Variants in ELOC observed in about 807,000 individuals in gnomAD.
The protein encoded by ELOC is elongin-C.
For synonymous variants in ELOC, 40 were observed against 51.3 expected (o/e 0.78, Z 0.94); for missense variants, 38 against 139.0 (o/e 0.27, Z 3.65).
chr8:73,971,032 C>CAAAAAAAAAAAAAAAAAAAAAAAAA (rs67188912), intron 1 of ELOC, among the ~76,000 whole-genome samples: 23 of 62,026 alleles, frequency 3.7e-4, no homozygotes, highest in Non-Finnish European at 5.4e-4. Flanking sequence ...GACTCCGTCT[C>CAAAAAAAAAAAAAAAAAAAAAAAAA]AAAAAAAAAA....
chr8:73,972,193 A>C (rs1242863384), upstream of ELOC: 1 of 152,290 alleles, frequency 6.6e-6, no homozygotes, highest in Non-Finnish European at 1.5e-5. Flanking sequence ...AGTCGAAAGA[A>C]TTACTTCCGC....
At chr8:73,948,974 T>C (rs776497595) in intron 3 of ELOC, among the ~76,000 whole-genome samples, 1 of 152,244 alleles carries the variant, frequency 6.6e-6, no homozygotes, top group African/African-American at 2.4e-5. Flanking sequence ...ACAAGACATT[T>C]TCCTTTGTTT....
At position 73,945,175 on chromosome 8, in the gene ELOC, T is replaced by A. The variant is rs1239637884; in HGVS notation, c.*1455A>T. 5 of 139,858 alleles carry A rather than the reference T, an allele frequency of 3.6e-5. No individual in the cohort carries two copies. In the East Asian group the frequency reaches 8.8e-4, roughly 25 times the overall value. The allele number at this position is 139,858 out of a possible 1,614,324, so 8.7% of individuals were successfully genotyped here. A position where few individuals can be genotyped will look rare whatever the true frequency, so the allele number is the denominator to read the frequency against. ...CTCTGTCACCCAGGCTGGAGTGCAG[T>A]GGTGCGATCTCGGCTCACTGCCACC... On this transcript the variant is annotated 3_prime_UTR_variant, in exon 4 of 4. Coordinates refer to ENST00000520242, the MANE Select transcript of ELOC (RefSeq NM_005648.4).
intron 1 of ELOC, among the ~76,000 whole-genome samples, chr8:73,964,093 CAAAAAAAAAA>C (rs61094442): frequency 1.2e-5 from 1 of 80,348 alleles, no homozygotes; most frequent in Non-Finnish European, 2.2e-5. Context: ...AATTCCGTCT[CAAAAAAAAAA>C]AAAAAAAAAA....
At chr8:73,971,526 A>G (rs1413690481) in intron 1 of ELOC, among the ~76,000 whole-genome samples, 1 of 152,064 alleles carries the variant, frequency 6.6e-6, no homozygotes, top group Admixed American at 6.6e-5. Flanking sequence ...CCTTAAGAGA[A>G]ACTCAATGGG....
intron 1 of ELOC, among the ~76,000 whole-genome samples, chr8:73,964,246 C>CAAAAAA (rs560289242): frequency 2.4e-5 from 2 of 82,020 alleles, no homozygotes. Context: ...TATAAATGGC[C>CAAAAAA]AAAAAAAAAA....
At chr8:73,968,688 C>G (rs982285029) in intron 1 of ELOC, among the ~76,000 whole-genome samples, 2 of 152,190 alleles carry the variant, frequency 1.3e-5, no homozygotes, top group Non-Finnish European at 2.9e-5. Context: ...AAAGGTCAAC[C>G]TTTCCACTTA....
At chr8:73,964,843 G>A (rs544414797) in intron 1 of ELOC, among the ~76,000 whole-genome samples, 36 of 152,044 alleles carry the variant, frequency 2.4e-4, no homozygotes, top group African/African-American at 8.4e-4. Context: ...GGACAACATG[G>A]TGGTGAAACC....
At chr8:73,957,519 T>C (rs972291610) in intron 2 of ELOC, among the ~76,000 whole-genome samples, 5 of 152,194 alleles carry the variant, frequency 3.3e-5, no homozygotes, top group Non-Finnish European at 7.3e-5. Context: ...GAAGCTGAAG[T>C]ACTGTTCAGC....
rs117238217 is a variant in ELOC, at chr8:73,961,861, G to A, written c.-50-2043C>T. Among the ~76,000 whole-genome samples the A allele has an allele frequency of 4.2e-3, 634 of 152,008 alleles. 2 individuals carry two copies. Among genetic ancestry groups the A allele is most frequent in the Non-Finnish European group, 6.8e-3 (464 of 67,974 alleles). On this transcript the variant is annotated intron_variant, in intron 1 of 3. Coordinates refer to ENST00000520242, the MANE Select transcript of ELOC (RefSeq NM_005648.4). ...TGAGCCTTTTGCAGGCCTAAGAAGC[G>A]GTAAACACTGTACTAAATGCCTTAC...
At chr8:73,963,052 C>T (rs545152736) in intron 1 of ELOC, among the ~76,000 whole-genome samples, 131 of 152,198 alleles carry the variant, frequency 8.6e-4, no homozygotes, top group Middle Eastern at 3.4e-3. Context: ...GTAGGGGAAC[C>T]GCTGGATTGA....
At chr8:73,958,806 T>A (rs1418113074) in intron 2 of ELOC, among the ~76,000 whole-genome samples, 3 of 152,216 alleles carry the variant, frequency 2.0e-5, no homozygotes, top group African/African-American at 7.2e-5. Context: ...GAATATATAG[T>A]CATGCATTGC....
In ELOC at chr8:73,945,729, A is replaced by G. The variant is rs1366123650; in HGVS notation, c.*901T>C. 6.6e-6 allele frequency: 1 copy of G among 152,024 alleles called. No individual in the cohort carries two copies. The highest frequency in any genetic ancestry group is 6.5e-5 in the Admixed American group (1 of 15,268). The allele number at this position is 152,024 out of a possible 1,614,324, so 9.4% of individuals were successfully genotyped here. On this transcript the variant is annotated 3_prime_UTR_variant, in exon 4 of 4. Coordinates refer to ENST00000520242, the MANE Select transcript of ELOC (RefSeq NM_005648.4). ...TATGATTTTCACTGTATCTCTTCAC[A>G]TGTTATTCCATAACATTCTAATTGG...
intron 1 of ELOC, among the ~76,000 whole-genome samples, chr8:73,970,153 G>A (rs1439454156): frequency 6.6e-6 from 1 of 152,150 alleles, no homozygotes; most frequent in East Asian, 1.9e-4. Context: ...GAGGCAGGTG[G>A]ATGGTTTGAG....
intron 1 of ELOC, among the ~76,000 whole-genome samples, chr8:73,971,174 CG>C (rs1447785863): frequency 5.3e-5 from 8 of 151,878 alleles, no homozygotes; most frequent in African/African-American, 1.9e-4. Context: ...GGGAGGCCGA[CG>C]GGGGCGGATC....
At chr8:73,968,287 AAATT>A (rs1167912944) in intron 1 of ELOC, among the ~76,000 whole-genome samples, 1 of 152,136 alleles carries the variant, frequency 6.6e-6, no homozygotes, top group East Asian at 1.9e-4. Context: ...AATCCATCTG[AAATT>A]CATCCTTCCC....
At chr8:73,966,714 ACCTCCTG>A (rs1049980730) in intron 1 of ELOC, among the ~76,000 whole-genome samples, 5 of 150,776 alleles carry the variant, frequency 3.3e-5, no homozygotes, top group African/African-American at 1.2e-4. Flanking sequence ...GCTCAAGTAA[ACCTCCTG>A]CCTTGACCTC....
chr8:73,951,307 A>G (rs1813742544), intron 3 of ELOC, among the ~76,000 whole-genome samples: 1 of 152,124 alleles, frequency 6.6e-6, no homozygotes, highest in Admixed American at 6.6e-5. Context: ...TGATGGGCAC[A>G]TGGAGGTGTA....
At chr8:73,948,664 AGCATGGTGGCTCAT>A (rs1813540978) in intron 3 of ELOC, among the ~76,000 whole-genome samples, 1 of 152,184 alleles carries the variant, frequency 6.6e-6, no homozygotes, top group African/African-American at 2.4e-5. Context: ...AAATGGGCTG[AGCATGGTGGCTCAT>A]GCCTGTAATC....
Sources: gnomAD v4.1 joint callset for allele counts (sites outside exome capture counted in the v4.1 genomes callset) on GRCh38, gnomAD v4.1.1 for gene constraint, MANE v1.5 for transcripts, NCBI Gene and HGNC (gene_info 2026-07-23, HGNC 2026-07-21) for gene names.